The following C17orf75 variants were observed in gnomAD, a reference collection of about 807,000 sequenced individuals.
C17orf75 encodes the protein chromosome 17 open reading frame 75, also known as protein Njmu-R1.
Under a neutral mutation model 49.6 loss-of-function variants are expected in C17orf75, and 32 were observed. The observed-to-expected ratio is 0.65, with a 90% CI of 0.49 to 0.87. C17orf75 has a LOEUF of 0.87. Among genes scored for constraint, C17orf75 ranks in the 40% least tolerant of loss-of-function variants. The pLI is 0.00. For synonymous variants in C17orf75, 158 were observed against 159.5 expected, an observed-to-expected ratio of 0.99 and a Z score of 0.07; for missense variants, 428 against 473.9, an observed-to-expected ratio of 0.90 and a Z score of 0.90.
At chr17:32,338,042 G>C (rs1278765235) in intron 4 of C17orf75, 88 bp from the exon 5 acceptor site, 2 of 1,523,390 alleles carry the variant, frequency 1.3e-6, no homozygotes, top group East Asian at 4.5e-5. Flanking sequence ...CAAATAATGT[G>C]AGCTGCAAAT....
At chr17:32,333,722 GCC>G (rs2041298923) in intron 8 of C17orf75, among the ~76,000 whole-genome samples, 1 of 152,074 alleles carries the variant, frequency 6.6e-6, no homozygotes, top group South Asian at 2.1e-4. Flanking sequence ...ACCTGCCTCA[GCC>G]TCCCAAAGTG....
intron 1 of C17orf75, 199 bp downstream of exon 1, chr17:32,341,801 A>G (rs573194481): frequency 3.7e-5 from 39 of 1,059,078 alleles, no homozygotes; most frequent in Non-Finnish European, 4.4e-5. Flanking sequence ...CCAGGCATAC[A>G]AGTCCACGAC....
chr17:32,336,368 C>A (rs1311577936), intron 5 of C17orf75, among the ~76,000 whole-genome samples: 1 of 152,086 alleles, frequency 6.6e-6, no homozygotes, highest in African/African-American at 2.4e-5. Flanking sequence ...TGCGTGCCAC[C>A]ATGCCTGGCT....
intron 9 of C17orf75, 114 bp from the exon 10 acceptor site, chr17:32,332,092 A>G: frequency 1.2e-6 from 1 of 862,640 alleles, no homozygotes; most frequent in Non-Finnish European, 1.7e-6. Flanking sequence ...TTTGCTTTTC[A>G]TATTAAATAT....
At position 32,333,483 on chromosome 17, in the gene C17orf75, A is replaced by G. The variant is rs1369972713; in HGVS notation, c.909T>C (p.Phe303=). 6.2e-7 allele frequency: 1 copy of G among 1,613,656 alleles called. No individual in the cohort carries two copies. Among genetic ancestry groups the G allele is most frequent in the East Asian group, 2.2e-5 (1 of 44,854 alleles). The part of the protein sequence containing the change: ...NRFCEDWMQA[F]LNGAKGGNPF... ...GGTTACCTCCTTTGGCACCATTTAA[A>G]AAAGCTTGCATCCAATCCTCACAAA... Residue 303 remains phenylalanine (F), a synonymous_variant, in exon 9 of 10, where the codon TTT becomes TTC. Coordinates refer to ENST00000577809, the MANE Select transcript of C17orf75 (RefSeq NM_022344.4).
At chr17:32,340,961 G>GAA (rs199826176) in intron 2 of C17orf75, 2 of 503,992 alleles carry the variant, frequency 4.0e-6, no homozygotes, top group African/African-American at 2.0e-5. Context: ...AAAGGAAAAA[G>GAA]AAAAAAAAAG....
At position 32,334,539 on chromosome 17, in the gene C17orf75, G is replaced by A. The variant is rs1311671766; in HGVS notation, c.801C>T (p.Ala267=). The A allele has an allele frequency of 6.2e-7, 1 of 1,612,310 alleles. No homozygotes were observed. Among genetic ancestry groups the A allele is most frequent in the Non-Finnish European group, 8.5e-7 (1 of 1,179,342 alleles). The change falls in exon 8 of 10, where the codon GCC becomes GCT. Residue 267 remains alanine, a synonymous_variant. Coordinates refer to ENST00000577809, the MANE Select transcript of C17orf75 (RefSeq NM_022344.4). The part of the protein sequence containing the change: ...HEGTMTSLCM[A]MTEEQHKSVV... Reference sequence around the variant, plus strand: ...CAGACTTATGCTGCTCCTCTGTCATGGCCATGCACAAAGAAGTCATGGTGC... The same window carrying A: ...CAGACTTATGCTGCTCCTCTGTCATAGCCATGCACAAAGAAGTCATGGTGC...
At chr17:32,333,314 A>T in intron 9 of C17orf75, 103 bp downstream of exon 9, 1 of 785,980 alleles carries the variant, frequency 1.3e-6, no homozygotes, top group Non-Finnish European at 2.1e-6. Flanking sequence ...ATCCTAATTA[A>T]CAGACATCAC....
At position 32,338,204 on chromosome 17, in the gene C17orf75, A is replaced by C; in HGVS notation, c.491+4T>G. On this transcript the variant is annotated splice_donor_region_variant and intron_variant, in intron 4 of 9. Coordinates refer to ENST00000577809, the MANE Select transcript of C17orf75 (RefSeq NM_022344.4). ...GATGTTCTCAAAAACCAAAGAAAGG[A>C]TATAGCTCAAGTCCTTTTTCAGACC... 1.2e-6 allele frequency: 2 copies of C among 1,609,866 alleles called. No individual in the cohort carries two copies. The highest frequency in any genetic ancestry group is 8.5e-7 in the Non-Finnish European group (1 of 1,179,048).
chr17:32,342,957 C>T (rs992077944), upstream of C17orf75, among the ~76,000 whole-genome samples: 2 of 152,168 alleles, frequency 1.3e-5, no homozygotes, highest in African/African-American at 4.8e-5. Flanking sequence ...TAAAAGGATA[C>T]CAAAGACTGG....
In C17orf75 at chr17:32,330,799, A is replaced by G. The variant is rs2041266523; in HGVS notation, c.*964T>C. The G allele has an allele frequency of 6.6e-6, 1 of 152,198 alleles. No homozygotes were observed. The highest frequency in any genetic ancestry group is 2.4e-5 in the African/African-American group (1 of 41,452). 9.4% of individuals were successfully genotyped at this position (152,198 alleles called of 1,614,324 possible). Reference sequence around the variant, plus strand: ...GCTCTTCATAAATACCTGTGAACAAATAAATGAAATGGTGACTGAAGGCGA... The same window carrying G: ...GCTCTTCATAAATACCTGTGAACAAGTAAATGAAATGGTGACTGAAGGCGA... On this transcript the variant is annotated 3_prime_UTR_variant, in exon 10 of 10. Transcript: ENST00000577809.
At chr17:32,335,241 A>G (rs2041313385) in intron 6 of C17orf75, 82 bp downstream of exon 6, 1 of 1,510,804 alleles carries the variant, frequency 6.6e-7, no homozygotes, top group East Asian at 2.3e-5. Flanking sequence ...GATGGGAGTC[A>G]TGTTCAGAGA....
At chr17:32,341,049 T>G in intron 2 of C17orf75, 155 bp downstream of exon 2, 2 of 747,930 alleles carry the variant, frequency 2.7e-6, no homozygotes, top group Middle Eastern at 2.4e-4. Context: ...AACCAGCCAA[T>G]GAGGAAATCA....
chr17:32,343,721 G>C (rs1436174498), upstream of C17orf75: 1 of 595,796 alleles, frequency 1.7e-6, no homozygotes, highest in African/African-American at 1.9e-5. Flanking sequence ...CTCCCATTCA[G>C]TAACATTGTC....
At chr17:32,343,563 C>T (rs1327593911), upstream of C17orf75, 1 of 350,390 alleles carries the variant, frequency 2.9e-6, no homozygotes, top group Non-Finnish European at 5.1e-6. Flanking sequence ...AATTGCCTCT[C>T]CATATCAAAG....
In C17orf75 at chr17:32,338,339, G is replaced by A. The variant is rs1163938854; in HGVS notation, c.360C>T (p.Tyr120=). ...AAAGGCAGTAATAACAACCAACTCG[G>A]TAACCTGGAATTCTAGAAAAGAAAG... is the stretch of plus-strand genomic sequence containing the variant. ...VASVELKIPG[Y]RVGCYYCLFQ... is the part of the protein sequence containing the mutation. Residue 120 remains tyrosine (Y), a synonymous_variant, in exon 4 of 10, where the codon TAC becomes TAT. Transcript: ENST00000577809. The A allele has an allele frequency of 2.5e-6, 4 of 1,600,896 alleles. No individual in the cohort carries two copies. The highest frequency in any genetic ancestry group is 3.4e-6 in the Non-Finnish European group (4 of 1,176,818).
chr17:32,342,534 G>C (rs939870903), upstream of C17orf75, among the ~76,000 whole-genome samples: 1 of 152,226 alleles, frequency 6.6e-6, no homozygotes, highest in Non-Finnish European at 1.5e-5. Flanking sequence ...AATGAATTTT[G>C]TTAAAGTGAA....
chr17:32,341,981 C>G lies in C17orf75; in HGVS notation c.140+19G>C, dbSNP rs747804801. On this transcript the variant is annotated intron_variant, in intron 1 of 9. Coordinates refer to ENST00000577809, the MANE Select transcript of C17orf75 (RefSeq NM_022344.4). The stretch of plus-strand genomic sequence containing the variant: ...CCGCAGGGGCGGGCGGGCTGGCAGG[C>G]CGAGCTGGGCGCCAGCACCTGCTTC... 2.0e-5 allele frequency: 28 copies of G among 1,416,572 alleles called. No homozygotes were observed. In the East Asian group the frequency reaches 8.4e-4, roughly 43 times the overall value. 87.8% of individuals were successfully genotyped at this position (1,416,572 alleles called of 1,614,324 possible). A position where few individuals can be genotyped will look rare whatever the true frequency, so the allele number is the denominator to read the frequency against.
chr17:32,333,553 G>T (rs2041296848), intron 8 of C17orf75, 33 bp from the exon 9 acceptor site: 1 of 1,516,466 alleles, frequency 6.6e-7, no homozygotes, highest in Non-Finnish European at 9.0e-7. Flanking sequence ...TAAATAAAAT[G>T]AAATTTTACA....
Sources: allele counts gnomAD v4.1 joint callset (sites outside exome capture counted in the v4.1 genomes callset), GRCh38; gene constraint gnomAD v4.1.1; transcripts MANE v1.5; gene names NCBI Gene and HGNC (gene_info 2026-07-23, HGNC 2026-07-21).